The following VTI1A variants were observed in gnomAD, a reference collection of about 807,000 sequenced individuals.
VTI1A encodes vesicle transport through interaction with t-SNAREs 1A.
VTI1A carries 22 observed loss-of-function variants against 34.9 expected under a neutral mutation model. The ratio of observed to expected loss-of-function variants is 0.63; its 90% confidence interval spans 0.45 to 0.90. The LOEUF is 0.90. VTI1A is among the 40% of genes least tolerant of loss of function. VTI1A has a pLI of 0.00. For synonymous variants in VTI1A, 87 were observed against 97.3 expected (o/e 0.89, Z 0.62); for missense variants, 268 against 275.6 (o/e 0.97, Z 0.20).
At chr10:112,834,778 C>A in the VTI1A span, among the ~76,000 whole-genome samples, 2 of 152,318 alleles carry the variant, frequency 1.3e-5, no homozygotes, top group South Asian at 4.1e-4. Flanking sequence ...TGCTGAGTGC[C>A]AGGAGACCAG....
chr10:112,478,438 ATAAT>A (rs1848352288), intron 3 of VTI1A, among the ~76,000 whole-genome samples: 1 of 152,218 alleles, frequency 6.6e-6, no homozygotes, highest in East Asian at 1.9e-4. Context: ...TGGTAATGCT[ATAAT>A]TAAAGAGGTT....
Position 112,811,711 on chromosome 10 carries a change from A to AGG in VTI1A, c.561-3579_561-3578insGG, listed in dbSNP as rs1554965461. ...AAAAAAAAAAAAAAAAAAAAAAAAAAAGAGTGCAGTCCATGCCTGGAAGTA... is the reference window on the plus strand; with the variant it reads ...AAAAAAAAAAAAAAAAAAAAAAAAAAGGAGAGTGCAGTCCATGCCTGGAAGTA... On this transcript the variant is annotated intron_variant, in intron 7 of 7. Transcript: ENST00000393077. 2.6e-5 allele frequency among the ~76,000 whole-genome samples: 3 copies of AGG among 117,406 alleles called. 1 individual carries two copies. The highest frequency in any genetic ancestry group is 5.1e-5 in the Non-Finnish European group (3 of 58,612). 77.0% of individuals were successfully genotyped at this position (117,406 alleles called of 152,430 possible).
intron 7 of VTI1A, among the ~76,000 whole-genome samples, chr10:112,787,692 TCTTTTC>T (rs1852329272): frequency 8.6e-6 from 1 of 116,296 alleles, no homozygotes; most frequent in African/African-American, 2.8e-5. Context: ...TTTTCTTTTT[TCTTTTC>T]TTTTTTTTTT....
chr10:112,608,244 A>G (rs1316277802), intron 5 of VTI1A, among the ~76,000 whole-genome samples: 1 of 152,214 alleles, frequency 6.6e-6, no homozygotes, highest in Non-Finnish European at 1.5e-5. Context: ...CAAGACTTCC[A>G]CATCATTTAC....
chr10:112,739,186 C>T (rs1167988026), intron 7 of VTI1A, among the ~76,000 whole-genome samples: 1 of 152,178 alleles, frequency 6.6e-6, no homozygotes, highest in Non-Finnish European at 1.5e-5. Context: ...TCAGGACAAG[C>T]TCAACTTCAC....
At position 112,817,321 on chromosome 10, in the gene VTI1A, G is replaced by A. The variant is rs967483402; in HGVS notation, c.*1938G>A. 2.2e-5 allele frequency: 5 copies of A among 232,362 alleles called. No homozygotes were observed. The highest frequency in any genetic ancestry group is 6.6e-5 in the African/African-American group (3 of 45,292). 14.4% of individuals were successfully genotyped at this position (232,362 alleles called of 1,614,324 possible). A position where few individuals can be genotyped will look rare whatever the true frequency, so the allele number is the denominator to read the frequency against. ...GACTCTTCCCAAGGCCACCTAGCAAGCAAGGTTGATCGGATCATCTAAACT... is the reference window on the plus strand; with the variant it reads ...GACTCTTCCCAAGGCCACCTAGCAAACAAGGTTGATCGGATCATCTAAACT... On this transcript the variant is annotated 3_prime_UTR_variant, in exon 8 of 8. Coordinates refer to ENST00000393077, the MANE Select transcript of VTI1A (RefSeq NM_145206.4).
chr10:112,519,317 C>T (rs781255094), intron 3 of VTI1A, among the ~76,000 whole-genome samples: 5 of 152,098 alleles, frequency 3.3e-5, no homozygotes, highest in Non-Finnish European at 7.4e-5. Context: ...CTTTATGGTA[C>T]AGCCTTTGAA....
intron 7 of VTI1A, among the ~76,000 whole-genome samples, chr10:112,729,587 ATAGACC>A (rs540763662): frequency 5.1e-4 from 77 of 152,360 alleles, no homozygotes; most frequent in African/African-American, 1.8e-3. Flanking sequence ...TCATTATGAA[ATAGACC>A]ACATGCGAAA....
chr10:112,502,279 C>T (rs1278990522), intron 3 of VTI1A, among the ~76,000 whole-genome samples: 2 of 151,966 alleles, frequency 1.3e-5, no homozygotes, highest in East Asian at 3.9e-4. Context: ...GCAAATCCTC[C>T]CACTTTGTCC....
At chr10:112,712,474 T>TCTCACACACACACA (rs149858856) in intron 7 of VTI1A, among the ~76,000 whole-genome samples, 1 of 143,488 alleles carries the variant, frequency 7.0e-6, no homozygotes, top group African/African-American at 2.6e-5. Context: ...TCAACTATTA[T>TCTCACACACACACA]CACACACACA....
intron 7 of VTI1A, among the ~76,000 whole-genome samples, chr10:112,784,936 A>C (rs935111661): frequency 2.6e-5 from 4 of 152,060 alleles, no homozygotes; most frequent in African/African-American, 9.7e-5. Flanking sequence ...CACAGATTCC[A>C]CCCTGGAGAG....
chr10:112,851,210 A>T, the VTI1A span, among the ~76,000 whole-genome samples: 1 of 152,212 alleles, frequency 6.6e-6, no homozygotes, highest in Non-Finnish European at 1.5e-5. Flanking sequence ...CATTTGACTG[A>T]ATCATTTCAA....
In VTI1A at chr10:112,679,893, G is replaced by C. The variant is rs536581677; in HGVS notation, c.560+10895G>C. Among the ~76,000 whole-genome samples, 12 of 152,236 alleles carry C rather than the reference G, an allele frequency of 7.9e-5. No individual in the cohort carries two copies. The South Asian group carries it at 2.5e-3, about 32-fold the overall frequency. On this transcript the variant is annotated intron_variant, in intron 7 of 7. Coordinates refer to ENST00000393077, the MANE Select transcript of VTI1A (RefSeq NM_145206.4). Reference sequence around the variant, plus strand: ...CCATAGGGCAGTGGTTCCTATCCTGGAGTGGGCTTCATGGAGTCTTGAATC... The same window carrying C: ...CCATAGGGCAGTGGTTCCTATCCTGCAGTGGGCTTCATGGAGTCTTGAATC...
chr10:112,489,034 C>G (rs2134119033), intron 3 of VTI1A, among the ~76,000 whole-genome samples: 1 of 152,312 alleles, frequency 6.6e-6, no homozygotes, highest in East Asian at 1.9e-4. Context: ...AGTTCTTAAA[C>G]TCAAGCAACA....
rs559902709 is a variant in VTI1A, at chr10:112,766,654, C to CA, written c.561-48633dup. ...CAAAAAATGCTCAAGGAATATGGTC[C>CA]AAAGAACTAAAATCTCCCATTGGAT... is the stretch of plus-strand genomic sequence containing the variant. On this transcript the variant is annotated intron_variant, in intron 7 of 7. Transcript: ENST00000393077. Among the ~76,000 whole-genome samples the CA allele has an allele frequency of 8.9e-3, 1,354 of 151,710 alleles. 7 individuals are homozygous for CA. Among genetic ancestry groups the CA allele is most frequent in the Middle Eastern group, 0.017 (5 of 294 alleles).
intron 7 of VTI1A, among the ~76,000 whole-genome samples, chr10:112,787,698 C>CTTTTTTTTTTT (rs34862909): frequency 1.3e-3 from 132 of 103,092 alleles, no homozygotes; most frequent in Middle Eastern, 6.0e-3. Flanking sequence ...TTTTTCTTTT[C>CTTTTTTTTTTT]TTTTTTTTTT....
chr10:112,641,062 C>CA (rs1220849951), intron 5 of VTI1A, among the ~76,000 whole-genome samples: 3 of 151,050 alleles, frequency 2.0e-5, no homozygotes, highest in Non-Finnish European at 4.4e-5. Context: ...ACAGAAAAAG[C>CA]AAAAGTTTTT....
intron 1 of VTI1A, among the ~76,000 whole-genome samples, chr10:112,451,861 C>T (rs558946250): frequency 3.3e-4 from 50 of 152,290 alleles, no homozygotes; most frequent in African/African-American, 1.1e-3. Context: ...GTAATATCTA[C>T]GTGTAGCTAT....
At chr10:112,450,797 C>G (rs555766493) in intron 1 of VTI1A, 1 of 152,158 alleles carries the variant, frequency 6.6e-6, no homozygotes, top group East Asian at 1.9e-4. Context: ...CCCTATGGCA[C>G]TATATTTGAA....
Sources: allele counts gnomAD v4.1 joint callset (sites outside exome capture counted in the v4.1 genomes callset), GRCh38; gene constraint gnomAD v4.1.1; transcripts MANE v1.5; gene names NCBI Gene and HGNC (gene_info 2026-07-23, HGNC 2026-07-21).